CTNNA3: variants seen among roughly 807,000 people sequenced by gnomAD.
CTNNA3 encodes catenin alpha-3.
CTNNA3 carries 76 observed loss-of-function variants against 95.7 expected under a neutral mutation model. The ratio of observed to expected loss-of-function variants is 0.79; its 90% CI spans 0.66 to 0.96. CTNNA3 has a LOEUF of 0.96. Ranked by LOEUF, CTNNA3 falls within the 40% of genes least tolerant of loss-of-function variation. CTNNA3 has a pLI of 0.00. For synonymous variants in CTNNA3, 431 were observed against 374.4 expected, an observed-to-expected ratio of 1.15 and a Z score of -1.74; for missense variants, 1,191 against 1,089.8, an observed-to-expected ratio of 1.09 and a Z score of -1.31.
At chr10:67,282,299 G>A (rs1221931397) in intron 5 of CTNNA3, among the ~76,000 whole-genome samples, 1 of 152,064 alleles carries the variant, frequency 6.6e-6, no homozygotes, top group Non-Finnish European at 1.5e-5. Flanking sequence ...GCCTAGCTGT[G>A]GAGAGAGATT....
intron 12 of CTNNA3, among the ~76,000 whole-genome samples, chr10:66,369,642 T>C (rs967801330): frequency 3.3e-5 from 5 of 152,216 alleles, no homozygotes; most frequent in Non-Finnish European, 5.9e-5. Flanking sequence ...ATTGATTTCA[T>C]TGAATAAAAT....
At chr10:67,288,528 A>G (rs1839697096) in intron 5 of CTNNA3, among the ~76,000 whole-genome samples, 1 of 152,166 alleles carries the variant, frequency 6.6e-6, no homozygotes. Flanking sequence ...TTTCTCTTCA[A>G]ATAAGATTGC....
At chr10:67,675,866 C>T (rs1209966380) in intron 1 of CTNNA3, among the ~76,000 whole-genome samples, 1 of 151,958 alleles carries the variant, frequency 6.6e-6, no homozygotes, top group Admixed American at 6.6e-5. Flanking sequence ...TTAATTTTTG[C>T]ATTAATGTAA....
At chr10:65,970,644 T>C (rs774628283) in intron 16 of CTNNA3, among the ~76,000 whole-genome samples, 1 of 148,872 alleles carries the variant, frequency 6.7e-6, no homozygotes, top group African/African-American at 2.4e-5. Context: ...ATAAAATATA[T>C]GTACTTTAAA....
chr10:67,646,648 G>C (rs964542273), intron 2 of CTNNA3, among the ~76,000 whole-genome samples: 20 of 152,096 alleles, frequency 1.3e-4, no homozygotes, highest in Non-Finnish European at 4.4e-5. Context: ...GGTCGGCATA[G>C]TTTTTCACCC....
intron 13 of CTNNA3, among the ~76,000 whole-genome samples, chr10:66,254,884 C>T (rs2132080703): frequency 6.6e-6 from 1 of 152,276 alleles, no homozygotes; most frequent in South Asian, 2.1e-4. Context: ...TTTTGAATTA[C>T]CAGTGAACCA....
chr10:67,165,721 T>C (rs1251373740), intron 7 of CTNNA3, among the ~76,000 whole-genome samples: 1 of 152,192 alleles, frequency 6.6e-6, no homozygotes, highest in African/African-American at 2.4e-5. Context: ...AGAAGATGGA[T>C]AGGCTTTCCC....
intron 7 of CTNNA3, among the ~76,000 whole-genome samples, chr10:66,915,107 T>A (rs1846419111): frequency 6.6e-6 from 1 of 151,978 alleles, no homozygotes; most frequent in South Asian, 2.1e-4. Context: ...GGAGAGATCA[T>A]TTTTTGAAAC....
At chr10:67,217,531 C>T (rs1284860568) in intron 6 of CTNNA3, among the ~76,000 whole-genome samples, 1 of 152,144 alleles carries the variant, frequency 6.6e-6, no homozygotes, top group Non-Finnish European at 1.5e-5. Flanking sequence ...GTCTGCCTTT[C>T]TTAAGAGAAC....
intron 12 of CTNNA3, among the ~76,000 whole-genome samples, chr10:66,374,071 A>G (rs1224962875): frequency 6.6e-6 from 1 of 152,166 alleles, no homozygotes; most frequent in Admixed American, 6.5e-5. Flanking sequence ...ATCTTGCAGT[A>G]CATTTTAAAT....
At chr10:66,996,603 G>C (rs940197577) in intron 7 of CTNNA3, among the ~76,000 whole-genome samples, 1 of 123,696 alleles carries the variant, frequency 8.1e-6, no homozygotes, top group Non-Finnish European at 1.6e-5. Context: ...GGTCAAGATC[G>C]CACCACTGCA....
At chr10:67,654,179 C>T (rs73270179) in intron 1 of CTNNA3, among the ~76,000 whole-genome samples, 20,194 of 152,128 alleles carry the variant, frequency 0.13, 2,409 homozygotes, top group African/African-American at 0.32. Context: ...TAAAAGGAAC[C>T]CAAGGATTCT....
chr10:67,468,326 T>C (rs1030267289), intron 5 of CTNNA3, among the ~76,000 whole-genome samples: 4 of 151,924 alleles, frequency 2.6e-5, no homozygotes, highest in Non-Finnish European at 5.9e-5. Flanking sequence ...CCTAGAAGTC[T>C]GAGGCCAGCT....
intron 9 of CTNNA3, among the ~76,000 whole-genome samples, chr10:66,742,284 T>G (rs541808477): frequency 6.6e-6 from 1 of 152,196 alleles, no homozygotes; most frequent in Non-Finnish European, 1.5e-5. Flanking sequence ...CTCCCAGGCT[T>G]ATTAGGATCA....
At chr10:66,036,583 C>G (rs958270075) in intron 15 of CTNNA3, among the ~76,000 whole-genome samples, 16 of 151,938 alleles carry the variant, frequency 1.1e-4, no homozygotes, top group Non-Finnish European at 2.1e-4. Context: ...GCCGTATTGG[C>G]CAGGCTGGAC....
chr10:67,728,070 CATATTAT>C (rs1226653502), intron 1 of CTNNA3, among the ~76,000 whole-genome samples: 10 of 135,588 alleles, frequency 7.4e-5, no homozygotes, highest in Admixed American at 5.5e-4. Flanking sequence ...ATGTATATTA[CATATTAT>C]ATATTATATA....
intron 10 of CTNNA3, among the ~76,000 whole-genome samples, chr10:66,585,533 T>C (rs1589453834): frequency 6.6e-6 from 1 of 151,948 alleles, no homozygotes; most frequent in South Asian, 2.1e-4. Context: ...TAGTCTTTCA[T>C]AGAAGTTCTG....
chr10:67,166,912 GC>G (rs2132103487), intron 7 of CTNNA3, among the ~76,000 whole-genome samples: 1 of 152,222 alleles, frequency 6.6e-6, no homozygotes, highest in Admixed American at 6.5e-5. Flanking sequence ...TTCAAGACCA[GC>G]CTGGCCAACA....
intron 13 of CTNNA3, among the ~76,000 whole-genome samples, chr10:66,238,747 G>T (rs1028566223): frequency 1.1e-4 from 16 of 151,002 alleles, no homozygotes; most frequent in Non-Finnish European, 1.2e-4. Flanking sequence ...GTTATCTCTG[G>T]GTGATAAGAC....
Sources: allele counts gnomAD v4.1 joint callset (sites outside exome capture counted in the v4.1 genomes callset), GRCh38; gene constraint gnomAD v4.1.1; transcripts MANE v1.5; gene names NCBI Gene and HGNC (gene_info 2026-07-23, HGNC 2026-07-21).